The following KDM4C variants were observed in gnomAD, a reference collection of about 807,000 sequenced individuals.
The protein encoded by KDM4C is lysine demethylase 4C.
Under a neutral mutation model 129.3 loss-of-function variants are expected in KDM4C, and 81 were observed. The observed-to-expected ratio is 0.63, with a 90% confidence interval of 0.52 to 0.75. KDM4C has a LOEUF of 0.75. Ranked by LOEUF, KDM4C falls within the 30% of genes least tolerant of loss-of-function variation. KDM4C has a pLI of 0.00. For synonymous variants in KDM4C, 573 were observed against 456.1 expected (o/e 1.26, Z -3.26); for missense variants, 1,457 against 1,304.0 (o/e 1.12, Z -1.81).
chr9:6,882,617 G>A (rs1299219078), intron 6 of KDM4C, among the ~76,000 whole-genome samples: 1 of 152,196 alleles, frequency 6.6e-6, no homozygotes, highest in Non-Finnish European at 1.5e-5. Flanking sequence ...TATTTCAAAG[G>A]ACAGTGTAGT....
Position 7,017,778 on chromosome 9 carries a change from C to T in KDM4C, c.2259+1849C>T, listed in dbSNP as rs113420983. Among the ~76,000 whole-genome samples the T allele has an allele frequency of 8.2e-3, 1,251 of 152,266 alleles. 11 individuals carry two copies. Among genetic ancestry groups the T allele is most frequent in the African/African-American group, 0.02 (843 of 41,550 alleles). On this transcript the variant is annotated intron_variant, in intron 15 of 21. Transcript: ENST00000381309. Reference sequence around the variant, plus strand: ...AATGACAGAGAATTACACTTCCTTGCAACTGAAGTTAAAAACCTGAATGAC... The same window carrying T: ...AATGACAGAGAATTACACTTCCTTGTAACTGAAGTTAAAAACCTGAATGAC...
At chr9:6,789,192 T>TA (rs1826056623) in intron 1 of KDM4C, among the ~76,000 whole-genome samples, 1 of 150,166 alleles carries the variant, frequency 6.7e-6, no homozygotes, top group African/African-American at 2.5e-5. Flanking sequence ...GCTGGGACTA[T>TA]AGGCGCTCAC....
At chr9:6,839,647 C>G (rs1029195708) in intron 4 of KDM4C, among the ~76,000 whole-genome samples, 1 of 151,956 alleles carries the variant, frequency 6.6e-6, no homozygotes, top group Non-Finnish European at 1.5e-5. Flanking sequence ...TGGCTCGTGC[C>G]TATAATCTCA....
At chr9:7,154,776 A>G (rs1843002701) in intron 19 of KDM4C, among the ~76,000 whole-genome samples, 1 of 152,184 alleles carries the variant, frequency 6.6e-6, no homozygotes, top group South Asian at 2.1e-4. Flanking sequence ...TCATCTATTT[A>G]GTACTGCAGC....
At chr9:6,949,050 A>T (rs1273957894) in intron 8 of KDM4C, among the ~76,000 whole-genome samples, 42 of 151,706 alleles carry the variant, frequency 2.8e-4, no homozygotes, top group African/African-American at 9.2e-4. Flanking sequence ...CACTTCCCAG[A>T]AGGGGCGGCT....
intron 5 of KDM4C, among the ~76,000 whole-genome samples, chr9:6,877,662 G>A (rs531760363): frequency 9.8e-5 from 15 of 152,320 alleles, no homozygotes; most frequent in Middle Eastern, 3.4e-3. Context: ...ATGGTACATG[G>A]AGGCATATTG....
chr9:7,021,337 G>A (rs1424893608), intron 15 of KDM4C, among the ~76,000 whole-genome samples: 3 of 151,770 alleles, frequency 2.0e-5, no homozygotes, highest in African/African-American at 7.3e-5. Flanking sequence ...TAGAGATGGG[G>A]TTTCACCATG....
At chr9:6,944,777 T>C (rs1055974193) in intron 8 of KDM4C, among the ~76,000 whole-genome samples, 1 of 147,868 alleles carries the variant, frequency 6.8e-6, no homozygotes, top group African/African-American at 2.5e-5. Flanking sequence ...AGGGGAAGGG[T>C]TCAAAGAAGA....
intron 21 of KDM4C, 55 bp from the exon 22 acceptor site, chr9:7,174,498 T>C: frequency 6.5e-7 from 1 of 1,533,536 alleles, no homozygotes; most frequent in Admixed American, 1.7e-5. Context: ...CTTTGTCCAG[T>C]GTTCTGAAGA....
intron 17 of KDM4C, among the ~76,000 whole-genome samples, chr9:7,066,028 A>C (rs1301930164): frequency 6.6e-6 from 1 of 151,936 alleles, no homozygotes; most frequent in African/African-American, 2.4e-5. Flanking sequence ...TGAGATCCGC[A>C]TAAAAATATT....
intron 8 of KDM4C, among the ~76,000 whole-genome samples, chr9:6,963,595 A>G (rs974223154): frequency 2.0e-5 from 3 of 152,224 alleles, no homozygotes; most frequent in Non-Finnish European, 4.4e-5. Flanking sequence ...ATACAGAGAA[A>G]GATTCAGGAT....
At chr9:6,857,615 C>G (rs1840097567) in intron 5 of KDM4C, among the ~76,000 whole-genome samples, 1 of 152,028 alleles carries the variant, frequency 6.6e-6, no homozygotes. Context: ...TGAGATTTTA[C>G]TAATTAATTG....
At chr9:6,893,070 A>G (rs759500708) in intron 7 of KDM4C, 25 bp from the exon 8 acceptor site, 13 of 1,457,876 alleles carry the variant, frequency 8.9e-6, no homozygotes, top group Non-Finnish European at 1.0e-5. Context: ...TTTTTACAAA[A>G]TATTATATGT....
At chr9:7,151,688 T>C (rs1392152163) in intron 19 of KDM4C, among the ~76,000 whole-genome samples, 1 of 152,022 alleles carries the variant, frequency 6.6e-6, no homozygotes, top group Non-Finnish European at 1.5e-5. Context: ...TCAAAACTAT[T>C]AAAAAGGGAA....
chr9:7,015,702 C>T (rs537937405), intron 14 of KDM4C, 151 bp from the exon 15 acceptor site: 1 of 438,982 alleles, frequency 2.3e-6, no homozygotes, highest in South Asian at 4.1e-5. Context: ...GTAAGACTCA[C>T]ATTCACCTTG....
At chr9:6,909,157 T>C (rs1818838374) in intron 8 of KDM4C, among the ~76,000 whole-genome samples, 1 of 152,196 alleles carries the variant, frequency 6.6e-6, no homozygotes, top group South Asian at 2.1e-4. Context: ...TATTAGAAAG[T>C]AAAGAATGTA....
chr9:6,752,840 A>G (rs925817518), upstream of KDM4C, among the ~76,000 whole-genome samples: 13 of 152,192 alleles, frequency 8.5e-5, no homozygotes, highest in Non-Finnish European at 1.6e-4. Context: ...TAGCAATAAA[A>G]TATCTGTGTT....
At chr9:6,744,931 C>T (rs1410493214) in intron 1 of KDM4C, among the ~76,000 whole-genome samples, 1 of 152,116 alleles carries the variant, frequency 6.6e-6, no homozygotes, top group African/African-American at 2.4e-5. Flanking sequence ...AACATGCCTC[C>T]AGCAGATATA....
intron 8 of KDM4C, chr9:6,924,721 T>C: frequency 1.0e-6 from 1 of 977,588 alleles, no homozygotes; most frequent in Non-Finnish European, 1.2e-6. Context: ...GGGAAACTCC[T>C]GTGGATTTTG....
Sources: gnomAD v4.1 joint callset for allele counts (sites outside exome capture counted in the v4.1 genomes callset) on GRCh38, gnomAD v4.1.1 for gene constraint, MANE v1.5 for transcripts, NCBI Gene and HGNC (gene_info 2026-07-23, HGNC 2026-07-21) for gene names.